Variants in TBC1D22A observed in about 807,000 individuals in gnomAD.
TBC1D22A encodes TBC1 domain family member 22A.
TBC1D22A carries 38 observed loss-of-function variants against 60.2 expected under a neutral mutation model. That is an observed-to-expected ratio of 0.63 (90% CI 0.49 to 0.83). TBC1D22A has a LOEUF of 0.83. Among genes scored for constraint, TBC1D22A ranks in the 40% least tolerant of loss-of-function variants. TBC1D22A has a pLI of 0.00. For missense variants in TBC1D22A, 628 were observed against 701.0 expected, an observed-to-expected ratio of 0.90 and a Z score of 1.18; for synonymous variants, 302 against 281.7, an observed-to-expected ratio of 1.07 and a Z score of -0.72.
rs557228381 is a variant in TBC1D22A, at chr22:46,777,993, A to C, written c.63-14527A>C. Among the ~76,000 whole-genome samples the C allele has an allele frequency of 1.3e-5, 2 of 152,338 alleles. No homozygotes were observed. Among genetic ancestry groups the C allele is most frequent in the East Asian group, 3.9e-4 (2 of 5,188 alleles). On this transcript the variant is annotated intron_variant, in intron 1 of 12. Transcript: ENST00000337137. The surrounding 1 kb of genome is among the most constrained non-coding windows in gnomAD (Gnocchi z 4.5). The stretch of plus-strand genomic sequence containing the variant: ...TGTACAGCATGGTACTGTTCTGAAT[A>C]CTGCAGGCAGTTGTCACACAATGGT...
intron 1 of TBC1D22A, among the ~76,000 whole-genome samples, chr22:46,769,349 C>T (rs898926015): frequency 3.3e-5 from 5 of 152,196 alleles, no homozygotes; most frequent in Admixed American, 3.3e-4. Context: ...ATTTGGAAAA[C>T]GTTTACGAGC....
At chr22:46,981,686 T>C (rs965556941) in intron 9 of TBC1D22A, among the ~76,000 whole-genome samples, 3 of 152,228 alleles carry the variant, frequency 2.0e-5, no homozygotes, top group Non-Finnish European at 4.4e-5. Flanking sequence ...CCACCATGAT[T>C]CTGAGTTTCC....
At chr22:46,972,147 A>G (rs1352263855) in intron 8 of TBC1D22A, among the ~76,000 whole-genome samples, 2 of 152,218 alleles carry the variant, frequency 1.3e-5, no homozygotes, top group Non-Finnish European at 2.9e-5. Context: ...GCTGTGGACA[A>G]TGGTGTCCTT....
intron 10 of TBC1D22A, among the ~76,000 whole-genome samples, chr22:47,008,124 G>C (rs2061646074): frequency 6.6e-6 from 1 of 152,126 alleles, no homozygotes; most frequent in African/African-American, 2.4e-5. Context: ...TATAATCAAG[G>C]GCACCAAAAA....
chr22:47,132,615 C>T (rs561532016), intron 12 of TBC1D22A, among the ~76,000 whole-genome samples: 2 of 152,236 alleles, frequency 1.3e-5, no homozygotes, highest in African/African-American at 2.4e-5. Context: ...CTCCCCAGTG[C>T]GAGTGGCCTT....
At chr22:47,025,893 G>GT (rs1255946711) in intron 10 of TBC1D22A, among the ~76,000 whole-genome samples, 2 of 152,114 alleles carry the variant, frequency 1.3e-5, no homozygotes. Context: ...AGAGGGAAAC[G>GT]TATAGTGCTG....
chr22:47,041,044 G>A (rs5769297), intron 11 of TBC1D22A, among the ~76,000 whole-genome samples: 51,821 of 151,972 alleles, frequency 0.34, 9,349 homozygotes, highest in East Asian at 0.61. Context: ...GTAAACGGGC[G>A]AACATCTCCA....
chr22:47,167,018 T>C (rs558871582), intron 12 of TBC1D22A, among the ~76,000 whole-genome samples: 79 of 152,362 alleles, frequency 5.2e-4, no homozygotes, highest in African/African-American at 1.9e-3. Context: ...CCTATACTTC[T>C]TTTATTTTAA....
At chr22:46,937,770 A>T (rs1030562023) in intron 8 of TBC1D22A, among the ~76,000 whole-genome samples, 1 of 152,156 alleles carries the variant, frequency 6.6e-6, no homozygotes, top group Non-Finnish European at 1.5e-5. Flanking sequence ...ATCCTGTGAT[A>T]TGAATGATCC....
At chr22:47,091,933 G>A (rs1055694621) in intron 11 of TBC1D22A, among the ~76,000 whole-genome samples, 1 of 152,244 alleles carries the variant, frequency 6.6e-6, no homozygotes, top group Non-Finnish European at 1.5e-5. Context: ...TATGCACTCA[G>A]TGTCATCTCT....
intron 12 of TBC1D22A, among the ~76,000 whole-genome samples, chr22:47,154,672 G>A (rs561137749): frequency 6.6e-6 from 1 of 152,336 alleles, no homozygotes; most frequent in Admixed American, 6.5e-5. Flanking sequence ...GGAGCTGTCC[G>A]AGTTCAGACG....
At chr22:46,862,157 T>G (rs549733755) in intron 4 of TBC1D22A, among the ~76,000 whole-genome samples, 16 of 152,102 alleles carry the variant, frequency 1.1e-4, no homozygotes, top group Admixed American at 5.9e-4. Flanking sequence ...AATGAGTGAG[T>G]GTGAAGATTG....
intron 11 of TBC1D22A, among the ~76,000 whole-genome samples, chr22:47,096,735 T>C (rs775012597): frequency 4.3e-4 from 65 of 152,234 alleles, no homozygotes; most frequent in South Asian, 1.7e-3. Context: ...GGCAGGAGAA[T>C]TGCTTGAACC....
chr22:46,762,816 C>T lies in TBC1D22A; in HGVS notation c.30C>T (p.Phe10=). 1.4e-6 allele frequency: 2 copies of T among 1,457,352 alleles called. No homozygotes were observed. The highest frequency in any genetic ancestry group is 1.4e-5 in the South Asian group (1 of 69,660). 90.3% of individuals were successfully genotyped at this position (1,457,352 alleles called of 1,614,324 possible). Residue 10 remains phenylalanine (F), a synonymous_variant, in exon 1 of 13, where the codon TTC becomes TTT. Transcript: ENST00000337137. Reference sequence around the variant, plus strand: ...CCAGCGACGGGGCCAGGAAGCAATTCTGGAAGCGCAGCAACAGCAAGCTCC... The same window carrying T: ...CCAGCGACGGGGCCAGGAAGCAATTTTGGAAGCGCAGCAACAGCAAGCTCC... The part of the protein sequence containing the change: MASDGARKQ[F]WKRSNSKLPG...
intron 4 of TBC1D22A, among the ~76,000 whole-genome samples, chr22:46,837,851 A>G (rs992757084): frequency 6.6e-6 from 1 of 152,228 alleles, no homozygotes; most frequent in African/African-American, 2.4e-5. Context: ...TCACGAGGTC[A>G]GGAGTTCAAG....
At chr22:46,849,495 A>G (rs2087172721) in intron 4 of TBC1D22A, among the ~76,000 whole-genome samples, 1 of 152,160 alleles carries the variant, frequency 6.6e-6, no homozygotes, top group Non-Finnish European at 1.5e-5. Context: ...CATCTTTATT[A>G]GAGAACAGCT....
intron 4 of TBC1D22A, among the ~76,000 whole-genome samples, chr22:46,859,142 G>C (rs2087745864): frequency 9.0e-6 from 1 of 111,004 alleles, no homozygotes; most frequent in African/African-American, 4.0e-5. Flanking sequence ...GCGCAGTGCC[G>C]TGCCCCTTCC....
chr22:47,059,965 A>G (rs1266449130), intron 11 of TBC1D22A, among the ~76,000 whole-genome samples: 1 of 152,164 alleles, frequency 6.6e-6, no homozygotes, highest in Non-Finnish European at 1.5e-5. Flanking sequence ...AGGCTGCAGG[A>G]GCGTCGCACA....
intron 5 of TBC1D22A, among the ~76,000 whole-genome samples, chr22:46,879,448 C>T (rs538577105): frequency 6.6e-6 from 1 of 152,234 alleles, no homozygotes; most frequent in East Asian, 1.9e-4. Flanking sequence ...GGAGCTAAGT[C>T]AATAGGGAGC....
Sources: allele counts gnomAD v4.1 joint callset (sites outside exome capture counted in the v4.1 genomes callset), GRCh38; gene constraint gnomAD v4.1.1; non-coding constraint Gnocchi (gnomAD v3.1); transcripts MANE v1.5; gene names NCBI Gene and HGNC (gene_info 2026-07-23, HGNC 2026-07-21).